Variants in NCOA1 observed in about 807,000 individuals in gnomAD.
The protein encoded by NCOA1 is Hin-2 protein.
NCOA1 carries 35 observed loss-of-function variants against 150.9 expected under a neutral mutation model. The observed-to-expected ratio is 0.23, with a 90% CI of 0.18 to 0.31. NCOA1 has a LOEUF of 0.31. NCOA1 is among the 10% of genes least tolerant of loss of function. The pLI is 1.00. For missense variants in NCOA1, 1,491 were observed against 1,749.3 expected, an observed-to-expected ratio of 0.85 and a Z score of 2.63; for synonymous variants, 590 against 630.0, an observed-to-expected ratio of 0.94 and a Z score of 0.95.
intron 1 of NCOA1, among the ~76,000 whole-genome samples, chr2:24,529,960 A>T (rs1038653487): frequency 2.0e-5 from 3 of 152,224 alleles, no homozygotes; most frequent in African/African-American, 7.2e-5. Context: ...CAATTTTTTT[A>T]AATAAATTTA....
At chr2:24,696,566 G>T (rs1377320954) in intron 10 of NCOA1, among the ~76,000 whole-genome samples, 2 of 152,164 alleles carry the variant, frequency 1.3e-5, no homozygotes, top group Admixed American at 1.3e-4. Context: ...CAAGTTTCAG[G>T]AAGACAGTTT....
intron 7 of NCOA1, among the ~76,000 whole-genome samples, chr2:24,682,319 T>C (rs922391616): frequency 6.6e-6 from 1 of 152,352 alleles, no homozygotes; most frequent in East Asian, 1.9e-4. Context: ...TTGTGTGATA[T>C]GTGACTGTCT....
intron 21 of NCOA1, among the ~76,000 whole-genome samples, chr2:24,759,744 C>T (rs922282765): frequency 1.3e-5 from 2 of 151,940 alleles, no homozygotes; most frequent in African/African-American, 2.4e-5. Context: ...TATATTATAT[C>T]ACCTCTATAT....
chr2:24,628,767 A>G (rs942636268), intron 3 of NCOA1, among the ~76,000 whole-genome samples: 1 of 152,196 alleles, frequency 6.6e-6, no homozygotes, highest in Non-Finnish European at 1.5e-5. Flanking sequence ...CACAGCAGAT[A>G]ACATATTGTA....
At chr2:24,578,125 G>C (rs1309234418) in intron 2 of NCOA1, among the ~76,000 whole-genome samples, 1 of 152,024 alleles carries the variant, frequency 6.6e-6, no homozygotes, top group African/African-American at 2.4e-5. Flanking sequence ...TCAGAAACCT[G>C]AAAATATTAT....
intron 17 of NCOA1, among the ~76,000 whole-genome samples, chr2:24,737,934 G>A (rs1200167611): frequency 6.6e-6 from 1 of 152,018 alleles, no homozygotes; most frequent in Non-Finnish European, 1.5e-5. Flanking sequence ...TTATGTTCCT[G>A]GTCTTTCAAG....
At chr2:24,686,216 T>C (rs1371588868) in intron 8 of NCOA1, among the ~76,000 whole-genome samples, 1 of 152,112 alleles carries the variant, frequency 6.6e-6, no homozygotes, top group Non-Finnish European at 1.5e-5. Context: ...TTGGCCAGGC[T>C]GGTCTCGATC....
intron 2 of NCOA1, among the ~76,000 whole-genome samples, chr2:24,569,476 A>G (rs1572430419): frequency 6.6e-6 from 1 of 151,926 alleles, no homozygotes; most frequent in African/African-American, 2.4e-5. Context: ...AGGATTTTGT[A>G]AAAGTCTGAA....
intron 2 of NCOA1, among the ~76,000 whole-genome samples, chr2:24,565,162 A>G (rs1336441953): frequency 6.6e-6 from 1 of 152,232 alleles, no homozygotes; most frequent in African/African-American, 2.4e-5. Flanking sequence ...TCCCCACTTG[A>G]AAGACTACAT....
chr2:24,594,543 A>T (rs969781190), intron 3 of NCOA1, among the ~76,000 whole-genome samples: 1 of 152,150 alleles, frequency 6.6e-6, no homozygotes, highest in Non-Finnish European at 1.5e-5. Flanking sequence ...TGCACAAAAG[A>T]TGTACATCAG....
At chr2:24,696,956 A>G (rs1192003896) in intron 10 of NCOA1, among the ~76,000 whole-genome samples, 2 of 152,058 alleles carry the variant, frequency 1.3e-5, no homozygotes, top group Admixed American at 1.3e-4. Flanking sequence ...AACAGGTCTT[A>G]ATATTCACAA....
intron 19 of NCOA1, among the ~76,000 whole-genome samples, chr2:24,747,057 T>A (rs981443990): frequency 3.3e-5 from 5 of 152,092 alleles, no homozygotes; most frequent in African/African-American, 4.8e-5. Flanking sequence ...TTGTCTTTTT[T>A]AAAATAATAA....
chr2:24,750,280 C>A (rs1664149068), intron 19 of NCOA1, among the ~76,000 whole-genome samples: 1 of 152,038 alleles, frequency 6.6e-6, no homozygotes, highest in South Asian at 2.1e-4. Context: ...ATGCAAAGGA[C>A]CTAGAGTAGC....
In NCOA1 at chr2:24,729,489, C is replaced by T; in HGVS notation, c.2887-12C>T. On this transcript the variant is annotated splice_polypyrimidine_tract_variant and intron_variant, in intron 16 of 22. Coordinates refer to ENST00000348332, the MANE Select transcript of NCOA1 (RefSeq NM_003743.5). The stretch of plus-strand genomic sequence containing the variant: ...ATTTATTTGTAAAATATTCTGGCTT[C>T]TTTTCTAACAGGGGGGTGGATTAGA... 1 of 1,603,412 alleles carries T rather than the reference C, an allele frequency of 6.2e-7. No individual in the cohort carries two copies.
At chr2:24,498,187 C>T (rs1281693853) in intron 1 of NCOA1, among the ~76,000 whole-genome samples, 1 of 152,196 alleles carries the variant, frequency 6.6e-6, no homozygotes, top group Non-Finnish European at 1.5e-5. Context: ...TCTAATATCT[C>T]CCTCTCCATT....
At chr2:24,573,160 A>G (rs1421978843) in intron 2 of NCOA1, among the ~76,000 whole-genome samples, 1 of 152,164 alleles carries the variant, frequency 6.6e-6, no homozygotes. Flanking sequence ...TGTGGTCTAT[A>G]TAGAATGTGA....
At chr2:24,670,077 G>T (rs1447052714) in intron 6 of NCOA1, among the ~76,000 whole-genome samples, 1 of 152,180 alleles carries the variant, frequency 6.6e-6, no homozygotes, top group Non-Finnish European at 1.5e-5. Context: ...GTTTGAGGTT[G>T]CAATGAGCTG....
chr2:24,635,918 G>T (rs1669920425), intron 3 of NCOA1, among the ~76,000 whole-genome samples: 1 of 152,224 alleles, frequency 6.6e-6, no homozygotes, highest in African/African-American at 2.4e-5. Context: ...ATTTGGAGGG[G>T]CAGTAAGAGG....
At chr2:24,638,454 C>T (rs1204638846) in intron 3 of NCOA1, among the ~76,000 whole-genome samples, 3 of 151,978 alleles carry the variant, frequency 2.0e-5, no homozygotes, top group Non-Finnish European at 2.9e-5. Flanking sequence ...GTAGTGCAGA[C>T]GTCTCTTCAA....
Sources: gnomAD v4.1 joint callset for allele counts (sites outside exome capture counted in the v4.1 genomes callset) on GRCh38, gnomAD v4.1.1 for gene constraint, MANE v1.5 for transcripts, NCBI Gene and HGNC (gene_info 2026-07-23, HGNC 2026-07-21) for gene names.